The following MAF variants were observed in gnomAD, a reference collection of about 807,000 sequenced individuals.
MAF encodes the protein MAF bZIP transcription factor.
MAF carries 10 observed loss-of-function variants against 22.0 expected under a neutral mutation model. That is an observed-to-expected ratio of 0.45 (90% CI 0.28 to 0.77). The LOEUF (loss-of-function observed/expected upper bound fraction) is 0.77. Among genes scored for constraint, MAF ranks in the 30% least tolerant of loss-of-function variants. MAF has a pLI of 0.12. For missense variants in MAF, 544 were observed against 548.4 expected (o/e 0.99, Z 0.08); for synonymous variants, 337 against 255.8 (o/e 1.32, Z -3.03).
the MAF span, among the ~76,000 whole-genome samples, chr16:79,305,845 A>G: frequency 6.6e-6 from 1 of 152,166 alleles, no homozygotes; most frequent in East Asian, 1.9e-4. Context: ...ACGTTGCCAG[A>G]CCATTTCTGT....
chr16:79,223,998 T>C, the MAF span, among the ~76,000 whole-genome samples: 1 of 152,180 alleles, frequency 6.6e-6, no homozygotes, highest in East Asian at 1.9e-4. Flanking sequence ...GAATCCTCCT[T>C]AACTCATTTT....
At chr16:79,209,541 G>C in the MAF span, among the ~76,000 whole-genome samples, 64 of 150,114 alleles carry the variant, frequency 4.3e-4, no homozygotes, top group South Asian at 5.4e-3. Flanking sequence ...TGAAATGGGT[G>C]AGCTGGATTC....
At chr16:79,203,128 G>T in the MAF span, 2 of 152,206 alleles carry the variant, frequency 1.3e-5, no homozygotes, top group Admixed American at 6.5e-5. Context: ...GCTGGTGAAT[G>T]AAATATCTAT....
chr16:79,316,525 C>T, the MAF span, among the ~76,000 whole-genome samples: 1 of 152,148 alleles, frequency 6.6e-6, no homozygotes, highest in Non-Finnish European at 1.5e-5. Context: ...TAAATGTTAC[C>T]TTCTTTGAAT....
the MAF span, among the ~76,000 whole-genome samples, chr16:79,512,711 C>T: frequency 2.0e-5 from 3 of 152,088 alleles, no homozygotes; most frequent in Non-Finnish European, 4.4e-5. Context: ...ATGGTAAAGA[C>T]GTAATAAAGT....
the MAF span, among the ~76,000 whole-genome samples, chr16:79,483,830 A>T: frequency 7.2e-5 from 11 of 152,162 alleles, no homozygotes; most frequent in African/African-American, 2.7e-4. Context: ...TGAGCAAATA[A>T]GCAATGTGAT....
the MAF span, among the ~76,000 whole-genome samples, chr16:79,314,913 T>C: frequency 6.6e-6 from 1 of 152,130 alleles, no homozygotes; most frequent in African/African-American, 2.4e-5. Flanking sequence ...AGTTCCCCCA[T>C]TGCAGGAAGT....
chr16:79,427,468 G>T, the MAF span, among the ~76,000 whole-genome samples: 41 of 152,288 alleles, frequency 2.7e-4, 1 homozygote, highest in Non-Finnish European at 2.9e-5. Flanking sequence ...TCATTCATTT[G>T]CCTATTTATT....
At chr16:79,323,036 G>T in the MAF span, among the ~76,000 whole-genome samples, 3 of 151,540 alleles carry the variant, frequency 2.0e-5, no homozygotes, top group Non-Finnish European at 4.4e-5. Flanking sequence ...TGTAGTCCCA[G>T]TCACTCGGGA....
intron 1 of MAF, among the ~76,000 whole-genome samples, chr16:79,587,635 T>G (rs1166278931): frequency 6.6e-6 from 1 of 152,144 alleles, no homozygotes; most frequent in Non-Finnish European, 1.5e-5. Context: ...GAGCAATAAT[T>G]GGACGTAGGC....
At chr16:79,368,709 T>C in the MAF span, among the ~76,000 whole-genome samples, 1 of 152,178 alleles carries the variant, frequency 6.6e-6, no homozygotes, top group African/African-American at 2.4e-5. Context: ...CTAGTGTATA[T>C]TTCTGGAATG....
chr16:79,597,921 A>T, intron 1 of MAF: 5 of 1,039,084 alleles, frequency 4.8e-6, no homozygotes, highest in Non-Finnish European at 5.8e-6. Flanking sequence ...AGTTTTTTTA[A>T]TGGCAGACTA....
At chr16:79,302,111 C>G in the MAF span, among the ~76,000 whole-genome samples, 7 of 152,340 alleles carry the variant, frequency 4.6e-5, no homozygotes, top group Non-Finnish European at 1.0e-4. Context: ...CCTTCCTACA[C>G]CTGGGGTCTC....
At chr16:79,328,629 A>G in the MAF span, among the ~76,000 whole-genome samples, 2 of 152,276 alleles carry the variant, frequency 1.3e-5, no homozygotes, top group South Asian at 4.1e-4. Context: ...GCTTATTGAG[A>G]TTGGGCAGGG....
chr16:79,266,797 G>C, the MAF span, among the ~76,000 whole-genome samples: 1 of 152,132 alleles, frequency 6.6e-6, no homozygotes. Flanking sequence ...GGAAGGCAAG[G>C]CACCGAACAT....
chr16:79,219,917 A>C, the MAF span, among the ~76,000 whole-genome samples: 2 of 152,226 alleles, frequency 1.3e-5, no homozygotes, highest in Admixed American at 6.5e-5. Flanking sequence ...AAGTTGTATC[A>C]TCGTATTTAA....
the MAF span, among the ~76,000 whole-genome samples, chr16:79,478,723 G>T: frequency 1.3e-5 from 2 of 152,078 alleles, no homozygotes; most frequent in East Asian, 3.9e-4. Context: ...GTGCACCAGT[G>T]CATCATCCCA....
chr16:79,595,216 G>A, intron 1 of MAF: 3 of 1,042,070 alleles, frequency 2.9e-6, no homozygotes, highest in Non-Finnish European at 3.5e-6. Flanking sequence ...CTTTTGTTAA[G>A]CAAAATTAAG....
chr16:79,423,009 G>C, the MAF span, among the ~76,000 whole-genome samples: 1 of 152,154 alleles, frequency 6.6e-6, no homozygotes, highest in Non-Finnish European at 1.5e-5. Context: ...AGGAAACTTT[G>C]AGGATGTGAT....
Sources: allele counts gnomAD v4.1 joint callset (sites outside exome capture counted in the v4.1 genomes callset), GRCh38; gene constraint gnomAD v4.1.1; transcripts MANE v1.5; gene names NCBI Gene and HGNC (gene_info 2026-07-23, HGNC 2026-07-21).